Variants in NLGN4X observed in about 807,000 individuals in gnomAD.
NLGN4X encodes the protein neuroligin 4 X-linked.
A neutral mutation model predicts 40.3 loss-of-function variants in NLGN4X; 3 were observed. The ratio of observed to expected loss-of-function variants is 0.07; its 90% CI spans 0.03 to 0.19. The LOEUF is 0.19. Ranked by LOEUF, NLGN4X falls within the 10% of genes least tolerant of loss-of-function variation. NLGN4X has a pLI of 1.00. For missense variants in NLGN4X, 382 were observed against 708.3 expected (o/e 0.54, Z 5.23); for synonymous variants, 270 against 306.8 (o/e 0.88, Z 1.25).
At chrX:5,973,829 G>GA (rs770606350) in intron 3 of NLGN4X, among the ~76,000 whole-genome samples, 15 of 106,918 alleles carry the variant, frequency 1.4e-4, no homozygotes, top group African/African-American at 3.7e-4. Flanking sequence ...TCTCAAAAAA[G>GA]AAAAAAAAAG....
chrX:6,063,526 C>A (rs1240390899), intron 2 of NLGN4X, among the ~76,000 whole-genome samples: 1 of 111,588 alleles, frequency 9.0e-6, no homozygotes, highest in African/African-American at 3.3e-5. Context: ...TGTTTTCCAT[C>A]CACCTATAGA....
At chrX:6,073,966 G>C (rs1488898790) in intron 2 of NLGN4X, among the ~76,000 whole-genome samples, 1 of 109,948 alleles carries the variant, frequency 9.1e-6, no homozygotes, top group Admixed American at 9.8e-5. Context: ...AGGCATCAGA[G>C]AGAAAACCAA....
At chrX:5,981,238 G>A (rs911988325) in intron 3 of NLGN4X, among the ~76,000 whole-genome samples, 14 of 111,109 alleles carry the variant, frequency 1.3e-4, no homozygotes, top group East Asian at 2.8e-4. Context: ...ACAGACCAAT[G>A]AAAAGTGTCA....
intron 3 of NLGN4X, among the ~76,000 whole-genome samples, chrX:5,909,540 A>C (rs2032374193): frequency 9.1e-6 from 1 of 110,323 alleles, no homozygotes; most frequent in Admixed American, 9.7e-5. Flanking sequence ...AGACGTCGTA[A>C]ATTTTACTAG....
intron 3 of NLGN4X, among the ~76,000 whole-genome samples, chrX:5,926,822 AC>A (rs1377078286): frequency 7.0e-4 from 76 of 109,226 alleles, no homozygotes; most frequent in African/African-American, 2.4e-3. Context: ...ACACACACAC[AC>A]ACGTTCTTAT....
intron 2 of NLGN4X, among the ~76,000 whole-genome samples, chrX:6,082,415 C>G (rs899129827): frequency 9.1e-6 from 1 of 109,634 alleles, no homozygotes; most frequent in Non-Finnish European, 1.9e-5. Flanking sequence ...GTGGTATGCA[C>G]CTGTAGTCCC....
At chrX:6,098,751 C>T (rs1381069496) in intron 2 of NLGN4X, among the ~76,000 whole-genome samples, 1 of 111,355 alleles carries the variant, frequency 9.0e-6, no homozygotes, top group Admixed American at 9.5e-5. Flanking sequence ...CATGAAAGTC[C>T]CTCTGCTCAC....
intron 3 of NLGN4X, among the ~76,000 whole-genome samples, chrX:5,949,980 T>G (rs765356672): frequency 6.3e-5 from 7 of 111,713 alleles, no homozygotes; most frequent in African/African-American, 2.3e-4. Context: ...GAAGATGGCA[T>G]GACAAGAGGG....
At chrX:5,943,927 A>T (rs2034037148) in intron 3 of NLGN4X, among the ~76,000 whole-genome samples, 1 of 112,234 alleles carries the variant, frequency 8.9e-6, no homozygotes, top group South Asian at 3.7e-4. Flanking sequence ...AAGTTTATAA[A>T]TGCATGATTC....
At chrX:6,221,860 G>A (rs1925744161) in intron 1 of NLGN4X, among the ~76,000 whole-genome samples, 3 of 110,931 alleles carry the variant, frequency 2.7e-5, no homozygotes, top group African/African-American at 9.9e-5. Flanking sequence ...CCATACTCCA[G>A]AGCCACATAT....
intron 1 of NLGN4X, among the ~76,000 whole-genome samples, chrX:6,201,198 G>A (rs1191672144): frequency 8.9e-6 from 1 of 112,031 alleles, no homozygotes; most frequent in African/African-American, 3.2e-5. Context: ...AGCAGTGAAA[G>A]AAACAGCATT....
In NLGN4X at chrX:6,052,679, C is replaced by T. The variant is rs190785636; in HGVS notation, c.473-23247G>A. Among the ~76,000 whole-genome samples, 133 of 112,146 alleles carry T rather than the reference C, an allele frequency of 1.2e-3. 1 individual carries two copies. Among genetic ancestry groups the T allele is most frequent in the African/African-American group, 4.1e-3 (127 of 30,881 alleles). ...CTACAGGCCAACCTGTGTATGTGTG[C>T]CTTTCCCAACTGTTTTTGTTATATT... is the stretch of plus-strand genomic sequence containing the variant. On this transcript the variant is annotated intron_variant, in intron 2 of 5. Coordinates refer to ENST00000381095, the MANE Select transcript of NLGN4X (RefSeq NM_181332.3).
At chrX:6,081,822 G>A (rs769468157) in intron 2 of NLGN4X, among the ~76,000 whole-genome samples, 2 of 112,323 alleles carry the variant, frequency 1.8e-5, no homozygotes, top group Admixed American at 1.9e-4. Context: ...AAAATTGCAA[G>A]GTTATAAAAG....
intron 2 of NLGN4X, among the ~76,000 whole-genome samples, chrX:6,144,147 A>C: frequency 9.0e-6 from 1 of 111,159 alleles, no homozygotes; most frequent in South Asian, 3.8e-4. Context: ...TAAAAAATAC[A>C]TTTTTAAAAA....
At chrX:6,078,870 A>C (rs1389725189) in intron 2 of NLGN4X, among the ~76,000 whole-genome samples, 1 of 110,982 alleles carries the variant, frequency 9.0e-6, no homozygotes, top group Non-Finnish European at 1.9e-5. Flanking sequence ...GAGGGACCTC[A>C]TGGGGGGTGA....
chrX:6,038,111 G>A (rs1323816167), intron 2 of NLGN4X, among the ~76,000 whole-genome samples: 1 of 112,049 alleles, frequency 8.9e-6, no homozygotes, highest in African/African-American at 3.2e-5. Context: ...TCATTCCAAC[G>A]GGGCAGGAAA....
rs751110507 is a variant in NLGN4X, at chrX:5,903,718, G to A, written c.960C>T (p.Asn320=). 1 of 1,211,880 alleles carries A rather than the reference G, an allele frequency of 8.3e-7. No individual in the cohort carries two copies. The highest frequency in any genetic ancestry group is 1.8e-5 in the South Asian group (1 of 56,993). ...GCTGGATGAGCTCCTTGTAGTTCTT[G>A]TTCCGCAGGCATTCTACCATGTCCG... ...DTTDMVECLR[N]KNYKELIQQT... Residue 320 remains asparagine, a synonymous_variant, in exon 5 of 6, where the codon AAC becomes AAT. Coordinates refer to ENST00000381095, the MANE Select transcript of NLGN4X (RefSeq NM_181332.3).
chrX:5,974,122 C>T (rs956921877), intron 3 of NLGN4X, among the ~76,000 whole-genome samples: 3 of 111,911 alleles, frequency 2.7e-5, no homozygotes, highest in African/African-American at 6.5e-5. Context: ...CAAGCCACAA[C>T]AAAGAAAGGT....
intron 3 of NLGN4X, among the ~76,000 whole-genome samples, chrX:5,972,196 T>G (rs955135634): frequency 9.0e-6 from 1 of 110,859 alleles, no homozygotes; most frequent in African/African-American, 3.3e-5. Context: ...TGTGTGTTTG[T>G]GTGTGCATGT....
Sources: allele counts gnomAD v4.1 joint callset (sites outside exome capture counted in the v4.1 genomes callset), GRCh38; gene constraint gnomAD v4.1.1; transcripts MANE v1.5; gene names NCBI Gene and HGNC (gene_info 2026-07-23, HGNC 2026-07-21).